The following GLDN variants were observed in gnomAD, a reference collection of about 807,000 sequenced individuals.
GLDN encodes gliomedin.
GLDN carries 47 observed loss-of-function variants against 56.5 expected under a neutral mutation model. The observed-to-expected ratio is 0.83, with a 90% CI of 0.66 to 1.06. GLDN has a LOEUF of 1.06. GLDN is among the 50% of genes least tolerant of loss of function. GLDN has a pLI of 0.00. For synonymous variants in GLDN, 332 were observed against 278.8 expected (o/e 1.19, Z -1.90); for missense variants, 782 against 714.3 (o/e 1.09, Z -1.08).
Position 51,358,451 on chromosome 15 carries a change from C to T in GLDN, c.363+16404C>T, listed in dbSNP as rs918097713. ...TTAGATGCAAAGGTAATTGTGGGCA[C>T]GCTGGTAAGGAGCCACTAAAATCCA... On this transcript the variant is annotated intron_variant, in intron 1 of 9. Coordinates refer to ENST00000335449, the MANE Select transcript of GLDN (RefSeq NM_181789.4). Among the ~76,000 whole-genome samples the T allele has an allele frequency of 3.3e-5, 5 of 152,136 alleles. No individual in the cohort carries two copies. The East Asian group carries it at 5.8e-4, about 18-fold the overall frequency.
At chr15:51,346,122 A>G (rs1245995403) in intron 1 of GLDN, among the ~76,000 whole-genome samples, 2 of 152,214 alleles carry the variant, frequency 1.3e-5, no homozygotes, top group Non-Finnish European at 2.9e-5. Flanking sequence ...GTTAACTGAA[A>G]GTTAACTTAG....
intron 1 of GLDN, among the ~76,000 whole-genome samples, chr15:51,355,450 A>C (rs1281646006): frequency 6.6e-6 from 1 of 151,790 alleles, no homozygotes; most frequent in South Asian, 2.1e-4. Context: ...AGTGAAGATG[A>C]CCAGATGTCA....
chr15:51,350,500 G>A (rs565868074), intron 1 of GLDN, among the ~76,000 whole-genome samples: 18 of 152,140 alleles, frequency 1.2e-4, no homozygotes, highest in Non-Finnish European at 2.5e-4. Context: ...CATTTAGGAC[G>A]TCAGTGCTGT....
In GLDN at chr15:51,397,616, A is replaced by G; in HGVS notation, c.817+18A>G. The G allele has an allele frequency of 1.3e-6, 2 of 1,552,124 alleles. No individual in the cohort carries two copies. Among genetic ancestry groups the G allele is most frequent in the Non-Finnish European group, 1.7e-6 (2 of 1,146,662 alleles). ...GTGCCCAGGTCACCACCTCTCCCCT[A>G]CGGGGCCCACCTCTTCTGTCAATTA... On this transcript the variant is annotated intron_variant, in intron 6 of 9. Transcript: ENST00000335449.
At position 51,403,160 on chromosome 15, in the gene GLDN, G is replaced by A. The variant is rs117290892; in HGVS notation, c.1179-1117G>A. Among the ~76,000 whole-genome samples, 1,141 of 152,272 alleles carry A rather than the reference G, an allele frequency of 7.5e-3. 6 individuals carry two copies. Among genetic ancestry groups the A allele is most frequent in the Non-Finnish European group, 0.011 (719 of 68,016 alleles). On this transcript the variant is annotated intron_variant, in intron 9 of 9. Transcript: ENST00000335449. The stretch of plus-strand genomic sequence containing the variant: ...AGGAGGCTGTACTGCTCTATGCCGC[G>A]CCACGGACTGGGACCTGACGGAGAA...
chr15:51,362,608 T>C (rs2037323483), intron 1 of GLDN, among the ~76,000 whole-genome samples: 1 of 152,008 alleles, frequency 6.6e-6, no homozygotes, highest in African/African-American at 2.4e-5. Flanking sequence ...ACATTGGCTT[T>C]TATGGGGAAT....
chr15:51,372,044 C>T (rs12439124), intron 1 of GLDN, among the ~76,000 whole-genome samples: 2 of 152,048 alleles, frequency 1.3e-5, no homozygotes, highest in Non-Finnish European at 2.9e-5. Flanking sequence ...GGCTGCATCT[C>T]GTGACAGCCT....
In GLDN at chr15:51,382,074, T is replaced by C. The variant is rs3803367; in HGVS notation, c.416-1362T>C. On this transcript the variant is annotated intron_variant, in intron 2 of 9. Transcript: ENST00000335449. ...TCCTCTAACTTCCTCCCACCCTGAA[T>C]CTTATAAGTCCCCACCTCTGTACCT... Among the ~76,000 whole-genome samples, 105 of 152,264 alleles carry C rather than the reference T, an allele frequency of 6.9e-4. 1 individual carries two copies. In the East Asian group the frequency reaches 0.017, roughly 25 times the overall value.
In GLDN at chr15:51,401,751, G is replaced by A. The variant is rs759025224; in HGVS notation, c.1178+8G>A. ...TTCTAATACCCTAGTGAGGTAAGTC[G>A]CACCACAGCACCTTCTCACGCCTCT... On this transcript the variant is annotated splice_region_variant and intron_variant, in intron 9 of 9. Coordinates refer to ENST00000335449, the MANE Select transcript of GLDN (RefSeq NM_181789.4). 3.1e-6 allele frequency: 5 copies of A among 1,610,584 alleles called. No individual in the cohort carries two copies. The highest frequency in any genetic ancestry group is 1.7e-5 in the Admixed American group (1 of 59,808).
At chr15:51,399,898 A>G (rs1255134684) in intron 6 of GLDN, among the ~76,000 whole-genome samples, 1 of 152,222 alleles carries the variant, frequency 6.6e-6, no homozygotes, top group Non-Finnish European at 1.5e-5. Flanking sequence ...GGCCTTGAAC[A>G]GGCTGGCTCA....
chr15:51,404,786 C>T lies in GLDN; in HGVS notation c.*32C>T. ...GCATTCGGCTCCCTTCAGCAAATTT[C>T]AGGGGTTTTCTGGGACCAGTTCTCC... On this transcript the variant is annotated 3_prime_UTR_variant, in exon 10 of 10. Transcript: ENST00000335449. 8.6e-7 allele frequency: 1 copy of T among 1,167,844 alleles called. No individual in the cohort carries two copies. Among genetic ancestry groups the T allele is most frequent in the South Asian group, 1.4e-5 (1 of 73,180 alleles). 72.3% of individuals were successfully genotyped at this position (1,167,844 alleles called of 1,614,324 possible).
downstream of GLDN, among the ~76,000 whole-genome samples, chr15:51,409,730 T>C (rs1373245123): frequency 2.6e-5 from 4 of 152,152 alleles, no homozygotes; most frequent in East Asian, 7.7e-4. Flanking sequence ...TCTAGGAAAG[T>C]GAGACCAGAG....
intron 2 of GLDN, among the ~76,000 whole-genome samples, chr15:51,380,303 C>A (rs2037729833): frequency 1.3e-5 from 2 of 152,216 alleles, no homozygotes; most frequent in Admixed American, 1.3e-4. Flanking sequence ...ACCCTATGCA[C>A]CTGCATGGGT....
At chr15:51,361,813 CCAGCTACT>C (rs1343637469) in intron 1 of GLDN, among the ~76,000 whole-genome samples, 1 of 152,114 alleles carries the variant, frequency 6.6e-6, no homozygotes, top group Non-Finnish European at 1.5e-5. Context: ...GCTTGTAATT[CCAGCTACT>C]CAGGAGGCTG....
chr15:51,368,078 G>A (rs1437497817), intron 1 of GLDN, among the ~76,000 whole-genome samples: 1 of 152,190 alleles, frequency 6.6e-6, no homozygotes, highest in Admixed American at 6.5e-5. Flanking sequence ...TTCAGTTTCT[G>A]TAAACAAAGT....
chr15:51,393,170 G>A (rs563062887), intron 4 of GLDN, among the ~76,000 whole-genome samples: 4 of 152,288 alleles, frequency 2.6e-5, no homozygotes, highest in East Asian at 3.9e-4. Flanking sequence ...ATATCATTGA[G>A]ATGATCATAT....
At chr15:51,386,460 G>A (rs189070603) in intron 4 of GLDN, among the ~76,000 whole-genome samples, 1 of 152,184 alleles carries the variant, frequency 6.6e-6, no homozygotes, top group East Asian at 1.9e-4. Context: ...TTCATACCCA[G>A]CACTTGCAGG....
downstream of GLDN, among the ~76,000 whole-genome samples, chr15:51,408,688 C>T (rs2038431226): frequency 6.6e-6 from 1 of 152,170 alleles, no homozygotes. Flanking sequence ...TCCACCCCAC[C>T]ATCCCATGAC....
At chr15:51,343,903 C>T (rs1370670835) in intron 1 of GLDN, among the ~76,000 whole-genome samples, 1 of 152,182 alleles carries the variant, frequency 6.6e-6, no homozygotes. Context: ...TCCTCTGACC[C>T]TCATCCCCCC....
Sources: allele counts gnomAD v4.1 joint callset (sites outside exome capture counted in the v4.1 genomes callset), GRCh38; gene constraint gnomAD v4.1.1; transcripts MANE v1.5; gene names NCBI Gene and HGNC (gene_info 2026-07-23, HGNC 2026-07-21).